Variants in NFIA observed in about 807,000 individuals in gnomAD.
The protein encoded by NFIA is nuclear factor I A, also known as nuclear factor 1 A-type.
NFIA carries 8 observed loss-of-function variants against 62.8 expected under a neutral mutation model. That is an observed-to-expected ratio of 0.13 (90% CI 0.07 to 0.23). The LOEUF is 0.23. Among genes scored for constraint, NFIA ranks in the 10% least tolerant of loss-of-function variants. The probability of loss-of-function intolerance (pLI) is 1.00; values close to 1 mark genes in which losing one functional copy is unlikely to be tolerated. For synonymous variants in NFIA, 235 were observed against 238.1 expected, an observed-to-expected ratio of 0.99 and a Z score of 0.12; for missense variants, 410 against 642.1, an observed-to-expected ratio of 0.64 and a Z score of 3.91.
chr1:61,145,536 T>C (rs1314856499), intron 2 of NFIA, among the ~76,000 whole-genome samples: 1 of 152,228 alleles, frequency 6.6e-6, no homozygotes, highest in Non-Finnish European at 1.5e-5. Context: ...GTGCTAAAGA[T>C]ATAGCAGTGA....
intron 7 of NFIA, among the ~76,000 whole-genome samples, chr1:61,384,359 G>A (rs1664572305): frequency 6.6e-6 from 1 of 152,128 alleles, no homozygotes; most frequent in South Asian, 2.1e-4. Context: ...CAGGTAAGAG[G>A]GCTGTCCGGT....
rs751696907 is a variant in NFIA at position 61,383,267 on chromosome 1, C to T, written c.977C>T (p.Ser326Leu). ...CCATCTCCAACCACACTGAAGAAGT[C>T]GGAGAAGTCTGGTTTCAGCAGCCCC... ...GMPSPTTLKK[S>L]EKSGFSSPSP... is the part of the protein sequence containing the mutation. The change falls in exon 7 of 11, where the codon TCG becomes TTG. Residue 326 changes from serine (S) to leucine (L), a missense_variant. Coordinates refer to ENST00000403491, the MANE Select transcript of NFIA (RefSeq NM_001134673.4). 3.7e-6 allele frequency: 6 copies of T among 1,614,006 alleles called. No homozygotes were observed. The highest frequency in any genetic ancestry group is 4.2e-6 in the Non-Finnish European group (5 of 1,179,900).
chr1:61,420,916 T>C (rs1016661061), intron 9 of NFIA, among the ~76,000 whole-genome samples: 1 of 152,226 alleles, frequency 6.6e-6, no homozygotes, highest in African/African-American at 2.4e-5. Context: ...AGATCCCTGA[T>C]CCTTAAAATA....
At chr1:61,228,268 A>C (rs1293560535) in intron 2 of NFIA, among the ~76,000 whole-genome samples, 1 of 152,156 alleles carries the variant, frequency 6.6e-6, no homozygotes, top group African/African-American at 2.4e-5. Flanking sequence ...GACCCATTCG[A>C]ATTGTAGCAT....
intron 4 of NFIA, among the ~76,000 whole-genome samples, chr1:61,335,559 C>T (rs892765826): frequency 1.3e-5 from 2 of 152,150 alleles, no homozygotes; most frequent in South Asian, 4.1e-4. Flanking sequence ...AATAAGCTAA[C>T]TGGCCAGGCG....
intron 2 of NFIA, among the ~76,000 whole-genome samples, chr1:61,185,064 C>A (rs1651064145): frequency 6.6e-6 from 1 of 152,202 alleles, no homozygotes; most frequent in Non-Finnish European, 1.5e-5. Context: ...AGGATAGCTG[C>A]AAATTCCAAA....
At chr1:61,278,061 AAT>A (rs891305737) in intron 3 of NFIA, among the ~76,000 whole-genome samples, 1 of 152,156 alleles carries the variant, frequency 6.6e-6, no homozygotes, top group Non-Finnish European at 1.5e-5. Flanking sequence ...GAAAAAAAAA[AAT>A]ATCTATGCTT....
chr1:61,115,006 A>G (rs1230268435), intron 2 of NFIA, among the ~76,000 whole-genome samples: 1 of 152,034 alleles, frequency 6.6e-6, no homozygotes, highest in Admixed American at 6.6e-5. Context: ...TTTGGTTAGA[A>G]TCTCACTCTG....
chr1:61,309,633 A>G (rs1034385790), intron 3 of NFIA, among the ~76,000 whole-genome samples: 7 of 152,188 alleles, frequency 4.6e-5, no homozygotes, highest in Admixed American at 1.3e-4. Context: ...GCTAACGCCT[A>G]TAATCCCAGC....
intron 7 of NFIA, among the ~76,000 whole-genome samples, chr1:61,402,737 A>G (rs946580953): frequency 2.6e-5 from 4 of 152,234 alleles, no homozygotes; most frequent in Non-Finnish European, 5.9e-5. Flanking sequence ...TAAAGATTGC[A>G]TAAATTAAAG....
chr1:61,454,923 G>A (rs972077975), intron 10 of NFIA, among the ~76,000 whole-genome samples: 11 of 152,110 alleles, frequency 7.2e-5, no homozygotes, highest in African/African-American at 1.2e-4. Flanking sequence ...CATTAAGAAC[G>A]TTCTGTATTC....
chr1:61,217,920 A>G (rs923918851), intron 2 of NFIA, among the ~76,000 whole-genome samples: 1 of 152,210 alleles, frequency 6.6e-6, no homozygotes, highest in East Asian at 1.9e-4. Flanking sequence ...TGTCATACCT[A>G]TATTATGGCA....
chr1:61,403,982 A>G, intron 7 of NFIA, 122 bp from the exon 8 acceptor site: 4 of 1,135,048 alleles, frequency 3.5e-6, no homozygotes, highest in Non-Finnish European at 5.1e-6. Flanking sequence ...TGTTAAATTC[A>G]GTCACATGAG....
intron 2 of NFIA, among the ~76,000 whole-genome samples, chr1:61,256,195 A>G (rs1656380296): frequency 6.6e-6 from 1 of 152,134 alleles, no homozygotes. Flanking sequence ...GGGGAGGCCA[A>G]GGCGGGTGGA....
intron 2 of NFIA, among the ~76,000 whole-genome samples, chr1:61,202,112 A>G (rs903526361): frequency 1.3e-5 from 2 of 152,212 alleles, no homozygotes; most frequent in Non-Finnish European, 2.9e-5. Flanking sequence ...GATAGGTGCC[A>G]ATGGTAACTT....
chr1:61,082,623 C>G lies in NFIA; in HGVS notation c.-169C>G, dbSNP rs547371775. On this transcript the variant is annotated 5_prime_UTR_variant, in exon 1 of 11. Coordinates refer to ENST00000403491, the MANE Select transcript of NFIA (RefSeq NM_001134673.4). ...GGCTGGCTGGCTGCAGTTGAGCCGACTTGGAAATGTGAACGCAAGAAGCAG... is the reference window on the plus strand; with the variant it reads ...GGCTGGCTGGCTGCAGTTGAGCCGAGTTGGAAATGTGAACGCAAGAAGCAG... 6.6e-7 allele frequency: 1 copy of G among 1,504,822 alleles called. No individual in the cohort carries two copies. The highest frequency in any genetic ancestry group is 1.3e-5 in the South Asian group (1 of 76,678). The allele number at this position is 1,504,822 out of a possible 1,614,324, so 93.2% of individuals were successfully genotyped here.
chr1:61,162,642 A>G (rs1649293772), intron 2 of NFIA, among the ~76,000 whole-genome samples: 1 of 152,138 alleles, frequency 6.6e-6, no homozygotes, highest in Non-Finnish European at 1.5e-5. Context: ...CTTTTAGCCC[A>G]CTATCTGTCC....
rs1333981546 is a variant in NFIA, at chr1:61,088,921, A to C, written c.559+241A>C. ...AGTGTTTTCAGAGGCGTTGGTAATC[A>C]GATATGTGATATGTTTAAATCACAT... On this transcript the variant is annotated intron_variant, in intron 2 of 10. Coordinates refer to ENST00000403491, the MANE Select transcript of NFIA (RefSeq NM_001134673.4). This position sits in a 1 kb window ranked among gnomAD's most constrained non-coding sequence, Gnocchi z 4.5. Among the ~76,000 whole-genome samples, 2 of 152,240 alleles carry C rather than the reference A, an allele frequency of 1.3e-5. No individual in the cohort carries two copies. The highest frequency in any genetic ancestry group is 3.8e-4 in the East Asian group (2 of 5,200).
intron 2 of NFIA, among the ~76,000 whole-genome samples, chr1:61,111,403 T>C (rs1646691995): frequency 6.6e-6 from 1 of 152,168 alleles, no homozygotes; most frequent in African/African-American, 2.4e-5. Context: ...ATATCTCATG[T>C]TGTGAAAGAG....
Sources: allele counts gnomAD v4.1 joint callset (sites outside exome capture counted in the v4.1 genomes callset), GRCh38; gene constraint gnomAD v4.1.1; non-coding constraint Gnocchi (gnomAD v3.1); transcripts MANE v1.5; gene names NCBI Gene and HGNC (gene_info 2026-07-23, HGNC 2026-07-21).